RGS7: variants seen among roughly 807,000 people sequenced by gnomAD.
The protein encoded by RGS7 is regulator of G-protein signaling 7.
A neutral mutation model predicts 81.1 loss-of-function variants in RGS7; 27 were observed. The ratio of observed to expected loss-of-function variants is 0.33; its 90% CI spans 0.25 to 0.46. The LOEUF (loss-of-function observed/expected upper bound fraction) is 0.46. Among genes scored for constraint, RGS7 ranks in the 20% least tolerant of loss-of-function variants. The pLI, the probability that RGS7 is intolerant of heterozygous loss-of-function variation, is 1.00. For synonymous variants in RGS7, 208 were observed against 207.7 expected, an observed-to-expected ratio of 1.00 and a Z score of -0.01; for missense variants, 396 against 607.4, an observed-to-expected ratio of 0.65 and a Z score of 3.66.
chr1:241,057,111 T>G (rs1232194644), intron 3 of RGS7, among the ~76,000 whole-genome samples: 1 of 152,104 alleles, frequency 6.6e-6, no homozygotes, highest in African/African-American at 2.4e-5. Context: ...ACAAAGTAAT[T>G]TTTTTTGGCT....
chr1:241,172,376 T>A (rs915513048), intron 2 of RGS7, among the ~76,000 whole-genome samples: 11 of 152,194 alleles, frequency 7.2e-5, no homozygotes, highest in Admixed American at 5.9e-4. Context: ...AGAAGTATTA[T>A]GTTCAATATT....
chr1:241,259,667 A>AAAAAATATAT lies in RGS7; in HGVS notation c.78+96031_78+96032insATATATTTTT. On this transcript the variant is annotated intron_variant, in intron 2 of 18. Coordinates refer to ENST00000440928, the MANE Select transcript of RGS7 (RefSeq NM_001364886.1). ...CTCCGTCTCAAAAAAAAAAAAAAAA[A>AAAAAATATAT]ATATATATATATATATATAATTAAA... 4.4e-3 allele frequency among the ~76,000 whole-genome samples: 216 copies of AAAAAATATAT among 49,108 alleles called. 3 individuals carry two copies. Among genetic ancestry groups the AAAAAATATAT allele is most frequent in the African/African-American group, 0.016 (204 of 12,562 alleles). 32.2% of individuals were successfully genotyped at this position (49,108 alleles called of 152,430 possible).
At chr1:241,291,589 C>CTTTTTTTTTTTTTTTTT (rs1237514486) in intron 2 of RGS7, among the ~76,000 whole-genome samples, 3 of 40,802 alleles carry the variant, frequency 7.4e-5, no homozygotes, top group Non-Finnish European at 1.5e-4. Context: ...TTTTTTTTTG[C>CTTTTTTTTTTTTTTTTT]TTTTTTGAGA....
chr1:240,964,415 G>A (rs898553561), intron 4 of RGS7, among the ~76,000 whole-genome samples: 5 of 152,074 alleles, frequency 3.3e-5, no homozygotes, highest in Non-Finnish European at 7.4e-5. Context: ...CAACAGCGAC[G>A]TGCAGAATTT....
At chr1:240,914,840 A>C (rs1226594865) in intron 6 of RGS7, among the ~76,000 whole-genome samples, 1 of 152,182 alleles carries the variant, frequency 6.6e-6, no homozygotes. Context: ...CATTGACCCC[A>C]TGATTGGAGA....
At chr1:241,105,500 G>T (rs2065039368) in intron 2 of RGS7, among the ~76,000 whole-genome samples, 1 of 152,152 alleles carries the variant, frequency 6.6e-6, no homozygotes, top group South Asian at 2.1e-4. Flanking sequence ...TATTACACAG[G>T]TCCATCTTCT....
Position 241,166,089 on chromosome 1 carries a change from G to A in RGS7, c.79-67327C>T, listed in dbSNP as rs1029516840. 6.6e-5 allele frequency among the ~76,000 whole-genome samples: 10 copies of A among 152,282 alleles called. No individual in the cohort carries two copies. The East Asian group carries it at 1.9e-3, about 29-fold the overall frequency. On this transcript the variant is annotated intron_variant, in intron 2 of 18. Transcript: ENST00000440928. Reference sequence around the variant, plus strand: ...AAGCTCATGTCTGGAGAACATCTGGGGGTGGGGAACAGGGGTAGAATTCAA... The same window carrying A: ...AAGCTCATGTCTGGAGAACATCTGGAGGTGGGGAACAGGGGTAGAATTCAA...
intron 9 of RGS7, among the ~76,000 whole-genome samples, chr1:240,840,031 C>T (rs111279801): frequency 0.019 from 2,832 of 152,186 alleles, 96 homozygotes; most frequent in African/African-American, 0.065. Context: ...TCACTGTTAC[C>T]ACCCTGCTCC....
rs181861259 is a variant in RGS7 at position 241,110,274 on chromosome 1, G to A, written c.79-11512C>T. On this transcript the variant is annotated intron_variant, in intron 2 of 18. Transcript: ENST00000440928. ...AGTCCGAATCAATAGTCTTATCATC[G>A]GCCCCCTTTCAGATGGAGAGACCAC... Among the ~76,000 whole-genome samples the A allele has an allele frequency of 1.6e-3, 248 of 151,830 alleles. 2 individuals are homozygous for A. The highest frequency in any genetic ancestry group is 5.8e-3 in the African/African-American group (241 of 41,394).
At chr1:240,911,084 C>G (rs75732297) in intron 6 of RGS7, among the ~76,000 whole-genome samples, 8,544 of 152,210 alleles carry the variant, frequency 0.056, 257 homozygotes, top group African/African-American at 0.074. Flanking sequence ...CTGTGCCAGA[C>G]GCATTTATTG....
chr1:240,970,801 A>G (rs940136604), intron 4 of RGS7, among the ~76,000 whole-genome samples: 1 of 152,128 alleles, frequency 6.6e-6, no homozygotes, highest in Non-Finnish European at 1.5e-5. Context: ...CCTGGCCAAC[A>G]TGGTGAAACC....
intron 2 of RGS7, among the ~76,000 whole-genome samples, chr1:241,140,342 GT>G (rs1488468576): frequency 2.6e-5 from 4 of 152,188 alleles, no homozygotes; most frequent in South Asian, 2.1e-4. Flanking sequence ...GGTAAGGGCT[GT>G]TTTGGGTGAC....
intron 2 of RGS7, among the ~76,000 whole-genome samples, chr1:241,244,359 G>A (rs867212397): frequency 2.0e-5 from 3 of 152,164 alleles, no homozygotes; most frequent in Non-Finnish European, 4.4e-5. Flanking sequence ...ATGAAAAAAT[G>A]CTCATCACCA....
intron 3 of RGS7, among the ~76,000 whole-genome samples, chr1:240,984,455 A>G (rs1392331368): frequency 6.6e-6 from 1 of 152,192 alleles, no homozygotes; most frequent in African/African-American, 2.4e-5. Flanking sequence ...AGGAGAGATT[A>G]AAAAAGAAGT....
At chr1:241,142,634 T>C (rs905987467) in intron 2 of RGS7, among the ~76,000 whole-genome samples, 15 of 152,320 alleles carry the variant, frequency 9.8e-5, no homozygotes, top group Admixed American at 3.3e-4. Context: ...ATGGGAATCC[T>C]GGGCCTGGCC....
At chr1:240,828,176 A>C (rs1693207513) in intron 9 of RGS7, among the ~76,000 whole-genome samples, 1 of 152,154 alleles carries the variant, frequency 6.6e-6, no homozygotes, top group Admixed American at 6.5e-5. Flanking sequence ...GGGTTGATGA[A>C]GTATAGGCAG....
intron 2 of RGS7, among the ~76,000 whole-genome samples, chr1:241,295,727 C>T (rs1406472691): frequency 2.0e-5 from 3 of 152,044 alleles, no homozygotes; most frequent in Non-Finnish European, 2.9e-5. Context: ...CTAGAGATTC[C>T]GGAGTCGGCA....
At chr1:240,800,862 C>T (rs1687913463) in intron 17 of RGS7, 141 bp from the exon 18 acceptor site, 1 of 434,030 alleles carries the variant, frequency 2.3e-6, no homozygotes, top group Non-Finnish European at 4.1e-6. Context: ...ACTAAGAAAA[C>T]ACTGGTAGGA....
intron 2 of RGS7, among the ~76,000 whole-genome samples, chr1:241,240,720 G>A (rs1296284712): frequency 6.6e-6 from 1 of 152,094 alleles, no homozygotes; most frequent in Non-Finnish European, 1.5e-5. Flanking sequence ...ACATCATAAT[G>A]TTAATCATAA....
Sources: gnomAD v4.1 joint callset for allele counts (sites outside exome capture counted in the v4.1 genomes callset) on GRCh38, gnomAD v4.1.1 for gene constraint, MANE v1.5 for transcripts, NCBI Gene and HGNC (gene_info 2026-07-23, HGNC 2026-07-21) for gene names.